The following UBL7 variants were observed in gnomAD, a reference collection of about 807,000 sequenced individuals.
UBL7 encodes ubiquitin like 7.
A neutral mutation model predicts 41.7 loss-of-function variants in UBL7; 21 were observed. The observed-to-expected ratio is 0.50, with a 90% CI of 0.36 to 0.73. The LOEUF is 0.73. UBL7 is among the 30% of genes least tolerant of loss of function. The pLI is 0.00. For synonymous variants in UBL7, 157 were observed against 186.9 expected, an observed-to-expected ratio of 0.84 and a Z score of 1.31; for missense variants, 403 against 478.4, an observed-to-expected ratio of 0.84 and a Z score of 1.47.
At chr15:74,452,160 C>T (rs1258143097) in intron 4 of UBL7, 136 bp downstream of exon 4, 4 of 851,290 alleles carry the variant, frequency 4.7e-6, no homozygotes, top group Non-Finnish European at 7.2e-6. Context: ...CTGAGGCCCA[C>T]AGACATGGCA....
Position 74,446,290 on chromosome 15 carries a change from C to T in UBL7, c.1006-63G>A. On this transcript the variant is annotated intron_variant, in intron 10 of 10. Transcript: ENST00000395081. The surrounding 1 kb of genome is among the most constrained non-coding windows in gnomAD (Gnocchi z 4.1). ...GGATCCAGTGAAGACTCACTTAGGT[C>T]TGTGCTTTCCGGGGAAGGAAAGGAA... is the stretch of plus-strand genomic sequence containing the variant. The T allele has an allele frequency of 6.3e-7, 1 of 1,586,904 alleles. No individual in the cohort carries two copies. The highest frequency in any genetic ancestry group is 8.6e-7 in the Non-Finnish European group (1 of 1,163,944).
At chr15:74,459,608 C>G (rs1306587652) in intron 1 of UBL7, among the ~76,000 whole-genome samples, 1 of 151,686 alleles carries the variant, frequency 6.6e-6, no homozygotes, top group African/African-American at 2.4e-5. Flanking sequence ...TGAGCGACTG[C>G]GCCTGGCCAC....
chr15:74,452,523 G>C, intron 3 of UBL7, 145 bp from the exon 4 acceptor site: 1 of 770,904 alleles, frequency 1.3e-6, no homozygotes, highest in Non-Finnish European at 2.1e-6. Flanking sequence ...GTGAGTGCCT[G>C]CTCAGAAAAA....
At chr15:74,455,891 G>A (rs1210987274) in intron 3 of UBL7, among the ~76,000 whole-genome samples, 1 of 152,116 alleles carries the variant, frequency 6.6e-6, no homozygotes, top group African/African-American at 2.4e-5. Flanking sequence ...TTGGGAGGCC[G>A]AGGCGGGCAG....
Position 74,449,951 on chromosome 15 carries a change from A to G in UBL7, c.649T>C (p.Tyr217His). The stretch of plus-strand genomic sequence containing the variant: ...AGGCGCTCACCTGGCATATCCCGGT[A>G]TGAGCTGGAGGGCATGCTCCGGGAA... ...SSSRSMPSSS[Y>H]RDMPGGFLFE... The change falls in exon 7 of 11, where the codon TAC (tyrosine) becomes CAC (histidine). Residue 217 changes from tyrosine to histidine, a missense_variant. Transcript: ENST00000395081. 6.2e-7 allele frequency: 1 copy of G among 1,612,506 alleles called. No individual in the cohort carries two copies. The highest frequency in any genetic ancestry group is 1.7e-5 in the Admixed American group (1 of 59,784).
chr15:74,450,557 A>G (rs1382918323), intron 6 of UBL7, among the ~76,000 whole-genome samples: 1 of 152,108 alleles, frequency 6.6e-6, no homozygotes, highest in Non-Finnish European at 1.5e-5. Context: ...AATTTCTACC[A>G]CACGAAACCT....
At chr15:74,457,387 A>G (rs764919187) in intron 2 of UBL7, among the ~76,000 whole-genome samples, 3 of 152,134 alleles carry the variant, frequency 2.0e-5, no homozygotes, top group Non-Finnish European at 4.4e-5. Context: ...TACCAAAAAT[A>G]CAAAAATTAG....
At chr15:74,450,948 A>C in intron 5 of UBL7, 89 bp from the exon 6 acceptor site, 10 of 1,369,580 alleles carry the variant, frequency 7.3e-6, no homozygotes, top group Non-Finnish European at 1.0e-5. Flanking sequence ...CAACCAGCTC[A>C]ACAGGGACAC....
Position 74,446,594 on chromosome 15 carries a change from T to C in UBL7, c.1006-367A>G, listed in dbSNP as rs1368746983. Among the ~76,000 whole-genome samples the C allele has an allele frequency of 1.3e-5, 2 of 152,240 alleles. No homozygotes were observed. Among genetic ancestry groups the C allele is most frequent in the African/African-American group, 4.8e-5 (2 of 41,464 alleles). ...AGTGTTACAGATTTTTTTCCCAGTT[T>C]GTTAGCCTTTGGACTTTGCTTCGGT... On this transcript the variant is annotated intron_variant, in intron 10 of 10. Coordinates refer to ENST00000395081, the MANE Select transcript of UBL7 (RefSeq NM_032907.5). This position sits in a 1 kb window ranked among gnomAD's most constrained non-coding sequence, Gnocchi z 4.1.
intron 3 of UBL7, among the ~76,000 whole-genome samples, chr15:74,452,757 G>A (rs906754118): frequency 4.6e-5 from 7 of 152,176 alleles, no homozygotes; most frequent in Admixed American, 3.9e-4. Context: ...CTCTTGCCCA[G>A]CCAGAATGCA....
rs2061184602 is a variant in UBL7 at position 74,446,429 on chromosome 15, T to TA, written c.1006-203dup. On this transcript the variant is annotated intron_variant, in intron 10 of 10. Coordinates refer to ENST00000395081, the MANE Select transcript of UBL7 (RefSeq NM_032907.5). The surrounding 1 kb of genome is among the most constrained non-coding windows in gnomAD (Gnocchi z 4.1). ...AGAGAACAAATCCAAAGTTTTACAA[T>TA]AAAAAAAGGAAATTCTTGGCATAAG... 1.3e-5 allele frequency among the ~76,000 whole-genome samples: 2 copies of TA among 152,254 alleles called. No individual in the cohort carries two copies. Among genetic ancestry groups the TA allele is most frequent in the East Asian group, 1.9e-4 (1 of 5,186 alleles).
chr15:74,453,538 G>C (rs550135378), intron 3 of UBL7, among the ~76,000 whole-genome samples: 3 of 152,274 alleles, frequency 2.0e-5, no homozygotes, highest in African/African-American at 7.2e-5. Context: ...GGGGGTGAAG[G>C]TATTCCAAGC....
At chr15:74,458,458 TAAAG>T (rs2061313872) in intron 2 of UBL7, among the ~76,000 whole-genome samples, 1 of 152,136 alleles carries the variant, frequency 6.6e-6, no homozygotes, top group Non-Finnish European at 1.5e-5. Flanking sequence ...GACAATGTCA[TAAAG>T]AACCTGGTGA....
chr15:74,446,128 C>A lies in UBL7; in HGVS notation c.1105G>T (p.Ala369Ser), dbSNP rs1264274137. 6.2e-7 allele frequency: 1 copy of A among 1,614,106 alleles called. No homozygotes were observed. The highest frequency in any genetic ancestry group is 8.5e-7 in the Non-Finnish European group (1 of 1,180,006). ...CCAGCAAAGATGAGCTCCAGGGCTG[C>A]TTGGATGTCCCCACCGGTGGCCTGC... Reference protein sequence around the residue: ...ALQATGGDIQAALELIFAGGA... With the variant: ...ALQATGGDIQSALELIFAGGA... The change falls in exon 11 of 11, where the codon GCA becomes TCA. Residue 369 changes from alanine to serine, a missense_variant. Coordinates refer to ENST00000395081, the MANE Select transcript of UBL7 (RefSeq NM_032907.5). The surrounding 1 kb of genome is among the most constrained non-coding windows in gnomAD (Gnocchi z 4.1).
At chr15:74,458,456 C>G (rs1478701591) in intron 2 of UBL7, among the ~76,000 whole-genome samples, 2 of 152,126 alleles carry the variant, frequency 1.3e-5, no homozygotes, top group Non-Finnish European at 2.9e-5. Flanking sequence ...AAGACAATGT[C>G]ATAAAGAACC....
At position 74,456,620 on chromosome 15, in the gene UBL7, T is replaced by C. The variant is rs139314828; in HGVS notation, c.236A>G (p.Tyr79Cys). The C allele has an allele frequency of 2.7e-5, 44 of 1,614,042 alleles. No individual in the cohort carries two copies. Among genetic ancestry groups the C allele is most frequent in the South Asian group, 3.3e-5 (3 of 91,090 alleles). Residue 79 changes from tyrosine (Y) to cysteine (C), a missense_variant, in exon 3 of 11, where the codon TAT (tyrosine) becomes TGT (cysteine). Tyr to Cys is a radical substitution (Grantham distance 194, BLOSUM62 -2). Transcript: ENST00000395081. ...KLKDDQTLDF[Y>C]GIQPGSTVHV... The stretch of plus-strand genomic sequence containing the variant: ...GACAGTGGACCCAGGTTGAATGCCA[T>C]AGAAGTCAAGTGTCTGGTCATCTTT...
chr15:74,454,237 C>T (rs576415151), intron 3 of UBL7, among the ~76,000 whole-genome samples: 2 of 152,200 alleles, frequency 1.3e-5, no homozygotes, highest in Non-Finnish European at 2.9e-5. Context: ...AAAAACCTGG[C>T]TCACAGAAGC....
At position 74,449,499 on chromosome 15, in the gene UBL7, G is replaced by A; in HGVS notation, c.714+127C>T. Reference sequence around the variant, plus strand: ...CCAAAAGCAGAAATAGTATGACATGGTCTTGGCCCCCCAATGGCGTATGTC... The same window carrying A: ...CCAAAAGCAGAAATAGTATGACATGATCTTGGCCCCCCAATGGCGTATGTC... On this transcript the variant is annotated intron_variant, in intron 8 of 10. Transcript: ENST00000395081. 3.2e-6 allele frequency: 5 copies of A among 1,552,514 alleles called. No individual in the cohort carries two copies. The South Asian group carries it at 3.4e-5, about 11-fold the overall frequency.
At chr15:74,449,515 G>T (rs1238287556) in intron 8 of UBL7, 111 bp downstream of exon 8, 9 of 1,572,230 alleles carry the variant, frequency 5.7e-6, no homozygotes, top group Non-Finnish European at 7.0e-6. Flanking sequence ...GCCCCCCAAT[G>T]GCGTATGTCC....
Sources: allele counts gnomAD v4.1 joint callset (sites outside exome capture counted in the v4.1 genomes callset), GRCh38; gene constraint gnomAD v4.1.1; non-coding constraint Gnocchi (gnomAD v3.1); transcripts MANE v1.5; gene names NCBI Gene and HGNC (gene_info 2026-07-23, HGNC 2026-07-21).